Variants in PDE4B observed in about 807,000 individuals in gnomAD.
The protein encoded by PDE4B is phosphodiesterase 4B.
In PDE4B, 20 loss-of-function variants were observed where a neutral mutation model predicts 82.2. The ratio of observed to expected loss-of-function variants is 0.24; its 90% CI spans 0.17 to 0.35. PDE4B has a LOEUF of 0.35. Among genes scored for constraint, PDE4B ranks in the 10% least tolerant of loss-of-function variants. The pLI, the probability that PDE4B is intolerant of heterozygous loss-of-function variation, is 1.00. For synonymous variants in PDE4B, 320 were observed against 318.9 expected, an observed-to-expected ratio of 1.00 and a Z score of -0.04; for missense variants, 655 against 907.2, an observed-to-expected ratio of 0.72 and a Z score of 3.57.
At chr1:65,900,052 G>A (rs545563235) in intron 1 of PDE4B, among the ~76,000 whole-genome samples, 50 of 151,870 alleles carry the variant, frequency 3.3e-4, no homozygotes, top group Non-Finnish European at 5.7e-4. Flanking sequence ...AAAAAAGAAG[G>A]GTATTTCCTA....
At chr1:66,108,263 C>T (rs1226235582) in intron 3 of PDE4B, among the ~76,000 whole-genome samples, 1 of 151,956 alleles carries the variant, frequency 6.6e-6, no homozygotes, top group African/African-American at 2.4e-5. Flanking sequence ...ATTATACTTT[C>T]TGCTTCTTTG....
intron 3 of PDE4B, among the ~76,000 whole-genome samples, chr1:66,107,838 T>C (rs1235639320): frequency 6.6e-6 from 1 of 151,940 alleles, no homozygotes; most frequent in East Asian, 1.9e-4. Flanking sequence ...ATAAAAGCTG[T>C]TTGTAGCCTT....
chr1:66,295,216 G>A (rs1657414550), intron 7 of PDE4B, among the ~76,000 whole-genome samples: 1 of 152,088 alleles, frequency 6.6e-6, no homozygotes, highest in African/African-American at 2.4e-5. Context: ...AGGGAATCCT[G>A]TTGGATAGAG....
chr1:66,361,362 C>G (rs1411242204), intron 9 of PDE4B, among the ~76,000 whole-genome samples: 1 of 152,112 alleles, frequency 6.6e-6, no homozygotes, highest in Admixed American at 6.6e-5. Context: ...GCTTTCTGGA[C>G]AAGTTACTTC....
chr1:66,367,642 A>G lies in PDE4B; in HGVS notation c.1385-54A>G, dbSNP rs1317699142. The G allele has an allele frequency of 3.5e-6, 5 of 1,437,758 alleles. No homozygotes were observed. In the Admixed American group the frequency reaches 9.7e-5, roughly 28 times the overall value. The allele number at this position is 1,437,758 out of a possible 1,614,324, so 89.1% of individuals were successfully genotyped here. A position where few individuals can be genotyped will look rare whatever the true frequency, so the allele number is the denominator to read the frequency against. Reference sequence around the variant, plus strand: ...CTGATTTCACTTTGAGATAATGCCAACATTCAAATCATATCCCTTTTTAAT... The same window carrying G: ...CTGATTTCACTTTGAGATAATGCCAGCATTCAAATCATATCCCTTTTTAAT... On this transcript the variant is annotated intron_variant, in intron 13 of 16. Transcript: ENST00000341517.
chr1:65,903,702 A>G (rs1002813258), intron 1 of PDE4B, among the ~76,000 whole-genome samples: 5 of 152,206 alleles, frequency 3.3e-5, no homozygotes, highest in African/African-American at 1.2e-4. Context: ...CTATCAAAAC[A>G]ATATTATGTG....
intron 1 of PDE4B, among the ~76,000 whole-genome samples, chr1:65,841,751 T>C (rs1356872195): frequency 6.6e-6 from 1 of 152,130 alleles, no homozygotes; most frequent in African/African-American, 2.4e-5. Context: ...CTTCGAAAAA[T>C]AGTTTTTAGT....
chr1:66,006,952 C>G (rs1652184742), intron 3 of PDE4B, among the ~76,000 whole-genome samples: 1 of 152,016 alleles, frequency 6.6e-6, no homozygotes, highest in Admixed American at 6.6e-5. Flanking sequence ...CAGTGAGACT[C>G]CCATCTCTAC....
intron 3 of PDE4B, among the ~76,000 whole-genome samples, chr1:66,143,500 G>T (rs1363461794): frequency 6.6e-6 from 1 of 152,230 alleles, no homozygotes; most frequent in Non-Finnish European, 1.5e-5. Flanking sequence ...GGACAGTGAA[G>T]TCAGAAGATC....
intron 7 of PDE4B, among the ~76,000 whole-genome samples, chr1:66,294,379 T>C (rs1657345581): frequency 1.3e-5 from 2 of 152,292 alleles, no homozygotes; most frequent in South Asian, 2.1e-4. Flanking sequence ...CATGGACATA[T>C]GTATGTGCTG....
chr1:66,032,478 C>A (rs1653833450), intron 3 of PDE4B, among the ~76,000 whole-genome samples: 1 of 152,128 alleles, frequency 6.6e-6, no homozygotes, highest in Non-Finnish European at 1.5e-5. Flanking sequence ...TAAGATGCTG[C>A]ACTGGTGAAA....
chr1:65,936,747 T>C (rs1158838037), intron 3 of PDE4B, among the ~76,000 whole-genome samples: 1 of 152,168 alleles, frequency 6.6e-6, no homozygotes, highest in Non-Finnish European at 1.5e-5. Flanking sequence ...TCTCCAAAAG[T>C]AGGAGGTTAG....
At chr1:66,138,119 C>T (rs997121268) in intron 3 of PDE4B, among the ~76,000 whole-genome samples, 6 of 152,152 alleles carry the variant, frequency 3.9e-5, no homozygotes, top group African/African-American at 9.7e-5. Context: ...TTACAATATA[C>T]GTAGTTTCTA....
chr1:66,355,075 G>T, intron 8 of PDE4B: 2 of 522,070 alleles, frequency 3.8e-6, no homozygotes, highest in South Asian at 3.3e-5. Context: ...GTACTATGCT[G>T]TGTTTTAATC....
At chr1:66,188,657 C>T (rs531424110) in intron 3 of PDE4B, among the ~76,000 whole-genome samples, 3 of 151,652 alleles carry the variant, frequency 2.0e-5, no homozygotes, top group Non-Finnish European at 4.4e-5. Flanking sequence ...AGGATTGCAA[C>T]CCCTGCCTTT....
chr1:66,101,839 A>G lies in PDE4B; in HGVS notation c.282-145621A>G, dbSNP rs1374267261. Among the ~76,000 whole-genome samples, 6 of 152,112 alleles carry G rather than the reference A, an allele frequency of 3.9e-5. No homozygotes were observed. In the South Asian group the frequency reaches 1.2e-3, roughly 31 times the overall value. ...TGTGCAGAAGCTCTTTAGTTTAATT[A>G]GATCCCATTTGTCAATTTTGGCTTT... On this transcript the variant is annotated intron_variant, in intron 3 of 16. Coordinates refer to ENST00000341517, the MANE Select transcript of PDE4B (RefSeq NM_002600.4).
chr1:66,282,083 A>G (rs1364057056), intron 7 of PDE4B, among the ~76,000 whole-genome samples: 2 of 152,234 alleles, frequency 1.3e-5, no homozygotes, highest in Non-Finnish European at 2.9e-5. Context: ...TACACCCTTG[A>G]GATGGTGTTT....
At chr1:65,910,412 C>T (rs1216403407) in intron 1 of PDE4B, among the ~76,000 whole-genome samples, 1 of 152,120 alleles carries the variant, frequency 6.6e-6, no homozygotes, top group Non-Finnish European at 1.5e-5. Flanking sequence ...TTGAGACTTG[C>T]TTGTGTCAGT....
intron 3 of PDE4B, among the ~76,000 whole-genome samples, chr1:66,200,045 GT>G (rs1309892346): frequency 6.6e-6 from 1 of 152,140 alleles, no homozygotes; most frequent in East Asian, 1.9e-4. Flanking sequence ...AAAGGATCCA[GT>G]TTCAGCTTTG....
Sources: allele counts gnomAD v4.1 joint callset (sites outside exome capture counted in the v4.1 genomes callset), GRCh38; gene constraint gnomAD v4.1.1; transcripts MANE v1.5; gene names NCBI Gene and HGNC (gene_info 2026-07-23, HGNC 2026-07-21).